Variants in LRRTM3 observed in about 807,000 individuals in gnomAD.
The protein encoded by LRRTM3 is leucine-rich repeat transmembrane neuronal protein 3.
A neutral mutation model predicts 44.7 loss-of-function variants in LRRTM3; 24 were observed. That is an observed-to-expected ratio of 0.54 (90% CI 0.39 to 0.76). The LOEUF (loss-of-function observed/expected upper bound fraction) is 0.76, where lower values mean the gene tolerates loss of function less well. LRRTM3 is among the 30% of genes least tolerant of loss of function. The pLI, the probability that LRRTM3 is intolerant of heterozygous loss-of-function variation, is 0.00. For missense variants in LRRTM3, 587 were observed against 702.2 expected (o/e 0.84, Z 1.85); for synonymous variants, 277 against 278.7 (o/e 0.99, Z 0.06).
chr10:67,041,748 A>G (rs116130285), intron 2 of LRRTM3, among the ~76,000 whole-genome samples: 2,566 of 152,272 alleles, frequency 0.017, 70 homozygotes, highest in African/African-American at 0.057. Context: ...TTGATGACTC[A>G]TAGATAAATA....
At chr10:67,031,194 T>A (rs917868430) in intron 2 of LRRTM3, among the ~76,000 whole-genome samples, 13 of 152,180 alleles carry the variant, frequency 8.5e-5, no homozygotes, top group Non-Finnish European at 1.6e-4. Context: ...CTGATTTATA[T>A]AAATTGATAT....
At chr10:67,049,648 C>T (rs1489391060) in intron 2 of LRRTM3, among the ~76,000 whole-genome samples, 1 of 152,130 alleles carries the variant, frequency 6.6e-6, no homozygotes, top group Non-Finnish European at 1.5e-5. Context: ...ACCAACACAC[C>T]TGAATTTTCA....
At chr10:67,093,101 G>A (rs778855020) in intron 2 of LRRTM3, among the ~76,000 whole-genome samples, 1 of 151,928 alleles carries the variant, frequency 6.6e-6, no homozygotes, top group Non-Finnish European at 1.5e-5. Context: ...CAGGAGTTTA[G>A]CAGGGTAAAT....
chr10:66,978,400 G>A (rs567783048), intron 2 of LRRTM3, among the ~76,000 whole-genome samples: 116 of 150,868 alleles, frequency 7.7e-4, no homozygotes, highest in Non-Finnish European at 4.0e-4. Flanking sequence ...GGTGGTGGGC[G>A]CCTGTAATCC....
chr10:67,051,140 A>G (rs1029695198), intron 2 of LRRTM3, among the ~76,000 whole-genome samples: 2 of 152,250 alleles, frequency 1.3e-5, no homozygotes, highest in Non-Finnish European at 2.9e-5. Flanking sequence ...CCAAAATCAT[A>G]GTGGAGATTC....
At chr10:67,080,936 CA>C (rs58476986) in intron 2 of LRRTM3, among the ~76,000 whole-genome samples, 109 of 31,394 alleles carry the variant, frequency 3.5e-3, no homozygotes, top group Admixed American at 5.9e-3. Flanking sequence ...AAAAAAACAA[CA>C]AAAAAAAAAA....
At chr10:67,027,765 A>T (rs1206129021) in intron 2 of LRRTM3, among the ~76,000 whole-genome samples, 2 of 152,052 alleles carry the variant, frequency 1.3e-5, no homozygotes, top group Non-Finnish European at 2.9e-5. Flanking sequence ...TATTTCTGAG[A>T]TTGCCTAGGA....
rs1858187737 is a variant in LRRTM3 at position 67,099,198 on chromosome 10, T to C, written c.*1402T>C. 6.6e-6 allele frequency: 1 copy of C among 151,844 alleles called. No homozygotes were observed. The highest frequency in any genetic ancestry group is 1.5e-5 in the Non-Finnish European group (1 of 67,840). 9.4% of individuals were successfully genotyped at this position (151,844 alleles called of 1,614,324 possible). ...TTATACAATTGTATTATAAAGTTCATTCAAATCAAATTAAGAAAACCTGAG... is the reference window on the plus strand; with the variant it reads ...TTATACAATTGTATTATAAAGTTCACTCAAATCAAATTAAGAAAACCTGAG... On this transcript the variant is annotated 3_prime_UTR_variant, in exon 3 of 3. Coordinates refer to ENST00000361320, the MANE Select transcript of LRRTM3 (RefSeq NM_178011.5).
intron 2 of LRRTM3, among the ~76,000 whole-genome samples, chr10:67,074,589 A>T (rs1856652473): frequency 6.6e-6 from 1 of 151,688 alleles, no homozygotes; most frequent in South Asian, 2.1e-4. Context: ...TGACCTTGTA[A>T]TCCACCCACC....
At chr10:66,959,808 CT>C (rs1175996024) in intron 2 of LRRTM3, among the ~76,000 whole-genome samples, 3 of 152,114 alleles carry the variant, frequency 2.0e-5, no homozygotes, top group Admixed American at 2.0e-4. Flanking sequence ...GAGTAAGAAA[CT>C]TTGCTGACAC....
intron 2 of LRRTM3, among the ~76,000 whole-genome samples, chr10:67,089,360 T>G (rs186037358): frequency 6.6e-6 from 1 of 152,248 alleles, no homozygotes. Flanking sequence ...ATTATGTGCT[T>G]CTTGAAAGTG....
chr10:67,015,124 T>C (rs1852577678), intron 2 of LRRTM3: 1 of 152,158 alleles, frequency 6.6e-6, no homozygotes, highest in African/African-American at 2.4e-5. Flanking sequence ...ATTAACCCCA[T>C]GCTATGTAGT....
At chr10:67,034,885 A>G (rs995820758) in intron 2 of LRRTM3, among the ~76,000 whole-genome samples, 4 of 152,152 alleles carry the variant, frequency 2.6e-5, no homozygotes, top group Non-Finnish European at 4.4e-5. Flanking sequence ...CCTGCTTACC[A>G]TTTGATCATG....
intron 2 of LRRTM3, among the ~76,000 whole-genome samples, chr10:67,011,164 C>A (rs1329327456): frequency 1.3e-5 from 2 of 151,856 alleles, no homozygotes; most frequent in Admixed American, 6.6e-5. Context: ...CCCGTCTCTA[C>A]TAAAAATACA....
intron 2 of LRRTM3, among the ~76,000 whole-genome samples, chr10:66,957,412 A>G (rs1382465858): frequency 3.5e-5 from 1 of 28,844 alleles, no homozygotes; most frequent in Non-Finnish European, 6.4e-5. Flanking sequence ...ATATATATAT[A>G]TGCATATATA....
At chr10:66,932,373 T>C (rs1161046863) in intron 2 of LRRTM3, among the ~76,000 whole-genome samples, 1 of 152,128 alleles carries the variant, frequency 6.6e-6, no homozygotes, top group Non-Finnish European at 1.5e-5. Context: ...GAAACAAGCA[T>C]CAGGTCATGA....
At chr10:66,996,125 T>C (rs1851322145) in intron 2 of LRRTM3, among the ~76,000 whole-genome samples, 1 of 152,204 alleles carries the variant, frequency 6.6e-6, no homozygotes, top group Non-Finnish European at 1.5e-5. Context: ...TTACTCTCTA[T>C]TGCCTAAGCT....
chr10:67,058,451 T>C (rs372038436), intron 2 of LRRTM3, among the ~76,000 whole-genome samples: 18 of 152,344 alleles, frequency 1.2e-4, no homozygotes, highest in African/African-American at 4.3e-4. Flanking sequence ...ACAACAGCAG[T>C]AAATTAGCAG....
chr10:67,054,216 A>T (rs1855286317), intron 2 of LRRTM3, among the ~76,000 whole-genome samples: 1 of 152,196 alleles, frequency 6.6e-6, no homozygotes, highest in Non-Finnish European at 1.5e-5. Context: ...TTTATAAATA[A>T]AAAGGCTGTA....
Sources: allele counts gnomAD v4.1 joint callset (sites outside exome capture counted in the v4.1 genomes callset), GRCh38; gene constraint gnomAD v4.1.1; transcripts MANE v1.5; gene names NCBI Gene and HGNC (gene_info 2026-07-23, HGNC 2026-07-21).